ERC2: variants seen among roughly 807,000 people sequenced by gnomAD.
ERC2 encodes the protein ERC protein 2.
A neutral mutation model predicts 114.8 loss-of-function variants in ERC2; 42 were observed. The ratio of observed to expected loss-of-function variants is 0.37; its 90% confidence interval spans 0.29 to 0.47. The LOEUF (loss-of-function observed/expected upper bound fraction) is 0.47. ERC2 is among the 20% of genes least tolerant of loss of function. The pLI is 0.99. For missense variants in ERC2, 939 were observed against 1,150.7 expected, an observed-to-expected ratio of 0.82 and a Z score of 2.66; for synonymous variants, 454 against 425.5, an observed-to-expected ratio of 1.07 and a Z score of -0.82.
At chr3:56,224,102 A>C (rs541980677) in intron 3 of ERC2, among the ~76,000 whole-genome samples, 4 of 152,358 alleles carry the variant, frequency 2.6e-5, no homozygotes, top group Admixed American at 6.5e-5. Flanking sequence ...CAGATCAGCA[A>C]GAATGCTCAA....
intron 17 of ERC2, among the ~76,000 whole-genome samples, chr3:55,636,016 C>T (rs553088779): frequency 6.6e-6 from 1 of 151,950 alleles, no homozygotes; most frequent in Non-Finnish European, 1.5e-5. Flanking sequence ...GCTGGGATTA[C>T]AGGACTGTGC....
At chr3:56,331,231 C>A (rs143893221) in intron 2 of ERC2, among the ~76,000 whole-genome samples, 156 of 152,234 alleles carry the variant, frequency 1.0e-3, no homozygotes, top group Middle Eastern at 3.4e-3. Context: ...TGCTAAAGTT[C>A]TTCATCCCTG....
intron 2 of ERC2, among the ~76,000 whole-genome samples, chr3:56,359,004 T>C (rs183826073): frequency 1.6e-4 from 24 of 152,292 alleles, no homozygotes; most frequent in Non-Finnish European, 3.2e-4. Flanking sequence ...CTGGGTAGGG[T>C]AGATGGCCTA....
At chr3:55,685,458 A>G (rs2062278113) in intron 16 of ERC2, among the ~76,000 whole-genome samples, 1 of 152,222 alleles carries the variant, frequency 6.6e-6, no homozygotes, top group African/African-American at 2.4e-5. Flanking sequence ...CCTTTTCCCT[A>G]TGTGACTTAG....
intron 17 of ERC2, among the ~76,000 whole-genome samples, chr3:55,651,909 T>A (rs1169631501): frequency 1.3e-5 from 2 of 152,254 alleles, no homozygotes; most frequent in African/African-American, 4.8e-5. Flanking sequence ...CAGCTCGGAA[T>A]GCTGTTGCAT....
intron 2 of ERC2, among the ~76,000 whole-genome samples, chr3:56,427,136 T>C: frequency 6.6e-6 from 1 of 150,596 alleles, no homozygotes; most frequent in African/African-American, 2.5e-5. Flanking sequence ...CACTCCAGCC[T>C]GGGTCACACA....
intron 17 of ERC2, among the ~76,000 whole-genome samples, chr3:55,524,974 T>C (rs1575469290): frequency 6.6e-6 from 1 of 152,118 alleles, no homozygotes; most frequent in South Asian, 2.1e-4. Context: ...GGTACCGCAG[T>C]TGGTCATCGT....
intron 3 of ERC2, among the ~76,000 whole-genome samples, chr3:56,226,274 AT>A (rs2050241974): frequency 6.6e-6 from 1 of 152,138 alleles, no homozygotes; most frequent in Non-Finnish European, 1.5e-5. Flanking sequence ...ATTGTTTTTA[AT>A]TAATCCTCTG....
At chr3:56,397,607 G>T (rs2060361058) in intron 2 of ERC2, among the ~76,000 whole-genome samples, 1 of 152,030 alleles carries the variant, frequency 6.6e-6, no homozygotes, top group South Asian at 2.1e-4. Flanking sequence ...TTCCAATGTT[G>T]CATCTTATGG....
chr3:55,734,971 A>AACAATTGGCATTTATAGTTG (rs1325712576), intron 14 of ERC2, 53 bp from the exon 15 acceptor site: 31 of 1,465,960 alleles, frequency 2.1e-5, no homozygotes, highest in Non-Finnish European at 2.8e-5. Flanking sequence ...AAAAAAAACA[A>AACAATTGGCATTTATAGTTG]ACAATTGGCA....
At chr3:56,309,083 T>A (rs1246235937) in intron 2 of ERC2, among the ~76,000 whole-genome samples, 1 of 152,184 alleles carries the variant, frequency 6.6e-6, no homozygotes, top group African/African-American at 2.4e-5. Context: ...GCTGAAAACA[T>A]GTGGCCCCAG....
intron 2 of ERC2, among the ~76,000 whole-genome samples, chr3:56,381,755 G>T (rs376262652): frequency 2.1e-5 from 3 of 144,210 alleles, no homozygotes; most frequent in Non-Finnish European, 4.6e-5. Flanking sequence ...GGTGGAAAAA[G>T]AAAAAAAGGG....
chr3:56,444,112 C>T (rs1319855842), intron 1 of ERC2, among the ~76,000 whole-genome samples: 1 of 151,354 alleles, frequency 6.6e-6, no homozygotes, highest in Non-Finnish European at 1.5e-5. Flanking sequence ...AAGGCGCCCA[C>T]CACCACACCT....
At chr3:55,571,158 C>T (rs757180558) in intron 17 of ERC2, among the ~76,000 whole-genome samples, 31 of 138,742 alleles carry the variant, frequency 2.2e-4, no homozygotes, top group Non-Finnish European at 4.4e-4. Flanking sequence ...AAAAGTAATT[C>T]AATGTCTTCT....
At chr3:56,212,729 C>T (rs552844256) in intron 3 of ERC2, among the ~76,000 whole-genome samples, 1 of 151,338 alleles carries the variant, frequency 6.6e-6, no homozygotes, top group South Asian at 2.1e-4. Flanking sequence ...CAAGTGGATA[C>T]AGAAAATATG....
At chr3:56,351,025 G>A (rs568864198) in intron 2 of ERC2, among the ~76,000 whole-genome samples, 11 of 152,242 alleles carry the variant, frequency 7.2e-5, no homozygotes, top group South Asian at 2.1e-4. Context: ...CTTCAGGTCC[G>A]CCTAGTTCCA....
At chr3:55,633,512 C>G (rs6803782) in intron 17 of ERC2, among the ~76,000 whole-genome samples, 27,594 of 152,108 alleles carry the variant, frequency 0.18, 2,728 homozygotes, top group East Asian at 0.43. Flanking sequence ...CTCTACTGGG[C>G]TGTAAGCTTC....
intron 17 of ERC2, among the ~76,000 whole-genome samples, chr3:55,521,596 G>C (rs1014481881): frequency 2.6e-5 from 4 of 152,212 alleles, no homozygotes; most frequent in South Asian, 4.1e-4. Context: ...GAAGTGACTG[G>C]CAAAAGAAGG....
At chr3:56,445,707 CAG>C (rs1011873508) in intron 1 of ERC2, among the ~76,000 whole-genome samples, 22 of 152,332 alleles carry the variant, frequency 1.4e-4, no homozygotes, top group African/African-American at 5.1e-4. Flanking sequence ...AAGACTCTGA[CAG>C]GGTCTTCTTC....
Sources: gnomAD v4.1 joint callset for allele counts (sites outside exome capture counted in the v4.1 genomes callset) on GRCh38, gnomAD v4.1.1 for gene constraint, MANE v1.5 for transcripts, NCBI Gene and HGNC (gene_info 2026-07-23, HGNC 2026-07-21) for gene names.